BCAT1: variants seen among roughly 807,000 people sequenced by gnomAD.
The protein encoded by BCAT1 is branched-chain-amino-acid aminotransferase, cytosolic.
Under a neutral mutation model 52.4 loss-of-function variants are expected in BCAT1, and 48 were observed. The ratio of observed to expected loss-of-function variants is 0.92; its 90% CI spans 0.73 to 1.16. The LOEUF (loss-of-function observed/expected upper bound fraction) is 1.16, where lower values mean the gene tolerates loss of function less well. BCAT1 is among the 50% of genes most tolerant of loss of function. The pLI is 0.00. For missense variants in BCAT1, 451 were observed against 457.1 expected (o/e 0.99, Z 0.12); for synonymous variants, 167 against 161.3 (o/e 1.04, Z -0.27).
rs1943441060 is a variant in BCAT1 at position 24,917,758 on chromosome 12, A to T, written c.7-15873T>A. 2.0e-5 allele frequency among the ~76,000 whole-genome samples: 3 copies of T among 152,234 alleles called. No homozygotes were observed. In the South Asian group the frequency reaches 6.2e-4, roughly 32 times the overall value. ...CAAAAGGTTACAGTTAATTGAAGGCAGAAGTCAGGTTAATAAATGTTACAA... is the reference window on the plus strand; with the variant it reads ...CAAAAGGTTACAGTTAATTGAAGGCTGAAGTCAGGTTAATAAATGTTACAA... On this transcript the variant is annotated intron_variant, in intron 1 of 10. Transcript: ENST00000261192.
At chr12:24,847,532 A>G (rs1329494003) in intron 6 of BCAT1, among the ~76,000 whole-genome samples, 1 of 152,186 alleles carries the variant, frequency 6.6e-6, no homozygotes, top group East Asian at 1.9e-4. Context: ...CAGAATCAGA[A>G]TGCAAGGAAA....
intron 1 of BCAT1, among the ~76,000 whole-genome samples, chr12:24,917,358 G>A (rs958199896): frequency 2.6e-5 from 4 of 152,068 alleles, no homozygotes; most frequent in African/African-American, 9.7e-5. Context: ...TTGTTTTTGT[G>A]TTTTTAGTAG....
At chr12:24,857,811 T>G (rs149706378) in intron 5 of BCAT1, among the ~76,000 whole-genome samples, 1 of 152,350 alleles carries the variant, frequency 6.6e-6, no homozygotes, top group Non-Finnish European at 1.5e-5. Context: ...GAAATTACTT[T>G]GCATTATGGG....
chr12:24,949,019 G>A lies in BCAT1; in HGVS notation c.-87C>T. 3 of 1,436,654 alleles carry A rather than the reference G, an allele frequency of 2.1e-6. No homozygotes were observed. Among genetic ancestry groups the A allele is most frequent in the Non-Finnish European group, 2.9e-6 (3 of 1,045,870 alleles). The allele number at this position is 1,436,654 out of a possible 1,614,324, so 89.0% of individuals were successfully genotyped here. A position where few individuals can be genotyped will look rare whatever the true frequency, so the allele number is the denominator to read the frequency against. On this transcript the variant is annotated 5_prime_UTR_variant, in exon 1 of 11. Transcript: ENST00000261192. ...CCCTGGCCGTGTGGACCGGGTCTGCGGCTGCAGAGCGCGGTCCCGGCTGCA... is the reference window on the plus strand; with the variant it reads ...CCCTGGCCGTGTGGACCGGGTCTGCAGCTGCAGAGCGCGGTCCCGGCTGCA...
At chr12:24,821,850 T>G (rs1211068897) in intron 10 of BCAT1, among the ~76,000 whole-genome samples, 1 of 152,152 alleles carries the variant, frequency 6.6e-6, no homozygotes, top group African/African-American at 2.4e-5. Flanking sequence ...GAATGTGTAT[T>G]TGGACTGAGC....
chr12:24,830,193 G>A (rs1441166486), intron 9 of BCAT1: 1 of 262,350 alleles, frequency 3.8e-6, no homozygotes, highest in Non-Finnish European at 7.1e-6. Flanking sequence ...AGGAGCTACA[G>A]TTACCTAAAA....
At chr12:24,917,490 G>T (rs879894647) in intron 1 of BCAT1, among the ~76,000 whole-genome samples, 2 of 152,104 alleles carry the variant, frequency 1.3e-5, no homozygotes, top group Admixed American at 6.5e-5. Context: ...ACGAGTTTTG[G>T]ATGTTTTTAC....
chr12:24,898,358 T>C (rs1943007484), intron 2 of BCAT1, among the ~76,000 whole-genome samples: 1 of 152,138 alleles, frequency 6.6e-6, no homozygotes, highest in East Asian at 1.9e-4. Context: ...GATTGTGAAA[T>C]GGCAAGAAAT....
intron 5 of BCAT1, among the ~76,000 whole-genome samples, chr12:24,862,126 AAT>A (rs1941862880): frequency 1.3e-5 from 2 of 152,194 alleles, no homozygotes; most frequent in Non-Finnish European, 2.9e-5. Flanking sequence ...TAACCATAAA[AAT>A]AGCCAACCAG....
chr12:24,922,468 T>C (rs187294278), intron 1 of BCAT1, among the ~76,000 whole-genome samples: 44 of 152,360 alleles, frequency 2.9e-4, no homozygotes, highest in African/African-American at 1.0e-3. Flanking sequence ...ATAAGGTAGA[T>C]ATCATCATTA....
intron 8 of BCAT1, among the ~76,000 whole-genome samples, chr12:24,836,279 A>T (rs1940919839): frequency 6.6e-6 from 1 of 152,218 alleles, no homozygotes; most frequent in Non-Finnish European, 1.5e-5. Flanking sequence ...ATACTTCTCC[A>T]CTATGACATC....
chr12:24,859,061 T>C (rs1941774326), intron 5 of BCAT1, among the ~76,000 whole-genome samples: 1 of 152,206 alleles, frequency 6.6e-6, no homozygotes. Flanking sequence ...AAAAAAAAAT[T>C]GTAAAGGACT....
intron 1 of BCAT1, among the ~76,000 whole-genome samples, chr12:24,919,529 G>A (rs1463188967): frequency 6.6e-6 from 1 of 152,108 alleles, no homozygotes; most frequent in South Asian, 2.1e-4. Context: ...CTCCCCTGTA[G>A]GAGTCAAAAG....
chr12:24,933,374 TG>T (rs1943707596), intron 1 of BCAT1, among the ~76,000 whole-genome samples: 1 of 152,072 alleles, frequency 6.6e-6, no homozygotes, highest in South Asian at 2.1e-4. Context: ...AACTTGCTGG[TG>T]GTCACTCAAT....
intron 1 of BCAT1, among the ~76,000 whole-genome samples, chr12:24,910,034 C>T (rs928259924): frequency 6.6e-6 from 1 of 152,188 alleles, no homozygotes; most frequent in Non-Finnish European, 1.5e-5. Flanking sequence ...CTGACTCAGA[C>T]TGCTCAGCCG....
At chr12:24,887,462 T>A (rs1942715146) in intron 3 of BCAT1, among the ~76,000 whole-genome samples, 1 of 152,192 alleles carries the variant, frequency 6.6e-6, no homozygotes, top group Admixed American at 6.5e-5. Context: ...TTTTTTCATT[T>A]ACATGAAGTT....
chr12:24,909,646 C>T (rs930034023), intron 1 of BCAT1, among the ~76,000 whole-genome samples: 1 of 152,190 alleles, frequency 6.6e-6, no homozygotes, highest in Non-Finnish European at 1.5e-5. Context: ...GCTGCCAACA[C>T]TTCAATCTCT....
chr12:24,926,170 GTC>G (rs760845215), intron 1 of BCAT1, among the ~76,000 whole-genome samples: 23 of 148,110 alleles, frequency 1.6e-4, no homozygotes, highest in Non-Finnish European at 3.0e-4. Flanking sequence ...GCCGCCCATC[GTC>G]TGAGATGTGG....
chr12:24,945,615 T>C (rs184618060), intron 1 of BCAT1: 71 of 152,302 alleles, frequency 4.7e-4, no homozygotes, highest in African/African-American at 1.5e-3. Context: ...GGCAGATCGC[T>C]TGAGGCCAGG....
Sources: gnomAD v4.1 joint callset for allele counts (sites outside exome capture counted in the v4.1 genomes callset) on GRCh38, gnomAD v4.1.1 for gene constraint, MANE v1.5 for transcripts, NCBI Gene and HGNC (gene_info 2026-07-23, HGNC 2026-07-21) for gene names.